Variants in AK9 observed in about 807,000 individuals in gnomAD.
AK9 encodes the protein adenylate kinase domain containing 1.
In AK9, 191 loss-of-function variants were observed where a neutral mutation model predicts 239.6. The observed-to-expected ratio is 0.80, with a 90% CI of 0.71 to 0.90. AK9 has a LOEUF of 0.90. Ranked by LOEUF, AK9 falls within the 40% of genes least tolerant of loss-of-function variation. The pLI is 0.00. For missense variants in AK9, 1,995 were observed against 2,214.7 expected, an observed-to-expected ratio of 0.90 and a Z score of 1.99; for synonymous variants, 689 against 721.0, an observed-to-expected ratio of 0.96 and a Z score of 0.71.
At chr6:109,542,449 G>C (rs1783022288) in intron 26 of AK9, among the ~76,000 whole-genome samples, 1 of 152,150 alleles carries the variant, frequency 6.6e-6, no homozygotes, top group Non-Finnish European at 1.5e-5. Flanking sequence ...TGTATTTCAG[G>C]ATAACTAGAA....
chr6:109,632,660 G>T (rs1218343676), intron 12 of AK9: 6 of 758,564 alleles, frequency 7.9e-6, no homozygotes, highest in African/African-American at 1.9e-5. Flanking sequence ...GGCAGAGTCT[G>T]AATGACACGA....
chr6:109,571,125 G>A (rs1416712516), intron 21 of AK9, among the ~76,000 whole-genome samples: 24 of 152,178 alleles, frequency 1.6e-4, no homozygotes, highest in Non-Finnish European at 4.4e-5. Context: ...TCCTTAAAAA[G>A]TTGCTCAAAG....
chr6:109,593,699 G>A (rs1430633555), intron 17 of AK9, among the ~76,000 whole-genome samples: 7 of 152,106 alleles, frequency 4.6e-5, no homozygotes, highest in Non-Finnish European at 8.8e-5. Flanking sequence ...GGGATGCAAG[G>A]CTGGTTCAAC....
At chr6:109,566,453 T>G (rs1161653751) in intron 21 of AK9, among the ~76,000 whole-genome samples, 1 of 152,020 alleles carries the variant, frequency 6.6e-6, no homozygotes, top group Admixed American at 6.6e-5. Context: ...GCAGAGTAAA[T>G]TTTACAAGAT....
rs190045793 is a variant in AK9 at position 109,511,260 on chromosome 6, A to G, written c.4280-1880T>C. 1.2e-4 allele frequency among the ~76,000 whole-genome samples: 18 copies of G among 152,232 alleles called. No homozygotes were observed. The East Asian group carries it at 3.1e-3, about 26-fold the overall frequency. On this transcript the variant is annotated intron_variant, in intron 32 of 40. Coordinates refer to ENST00000424296, the MANE Select transcript of AK9 (RefSeq NM_001145128.3). ...TTTCTGTCCATTTATGGACTCCATG[A>G]TGCAACCAGCATAGCATACCCTATA...
chr6:109,537,598 A>C (rs1356587481), intron 27 of AK9, among the ~76,000 whole-genome samples: 1 of 145,528 alleles, frequency 6.9e-6, no homozygotes, highest in Non-Finnish European at 1.5e-5. Context: ...TTTGTGTCCT[A>C]TCTCTTTCAG....
At chr6:109,576,423 T>A (rs1175873563) in intron 20 of AK9, among the ~76,000 whole-genome samples, 1 of 146,546 alleles carries the variant, frequency 6.8e-6, no homozygotes, top group African/African-American at 2.5e-5. Context: ...ATATATACTT[T>A]TTTTTTTTTT....
chr6:109,525,831 G>T (rs1780438656), intron 29 of AK9, among the ~76,000 whole-genome samples: 1 of 152,128 alleles, frequency 6.6e-6, no homozygotes. Context: ...CTACTAAAAA[G>T]TCACATGCAC....
intron 24 of AK9, among the ~76,000 whole-genome samples, chr6:109,556,807 C>T (rs985713348): frequency 6.6e-6 from 1 of 151,852 alleles, no homozygotes; most frequent in Non-Finnish European, 1.5e-5. Flanking sequence ...CAACCGTTGA[C>T]ACTTGTGTAT....
At chr6:109,529,945 A>G (rs887506209) in intron 28 of AK9, among the ~76,000 whole-genome samples, 13 of 152,130 alleles carry the variant, frequency 8.5e-5, no homozygotes, top group Non-Finnish European at 4.4e-5. Flanking sequence ...ACTGGTATCC[A>G]TCCATGGCCC....
intron 15 of AK9, among the ~76,000 whole-genome samples, chr6:109,613,365 C>A (rs1002202040): frequency 6.6e-6 from 1 of 151,360 alleles, no homozygotes; most frequent in African/African-American, 2.4e-5. Context: ...AAAATAGTCA[C>A]CTCAAAAAAG....
intron 24 of AK9, among the ~76,000 whole-genome samples, chr6:109,554,654 C>G (rs979147202): frequency 6.6e-6 from 1 of 151,162 alleles, no homozygotes; most frequent in East Asian, 2.0e-4. Flanking sequence ...GTCTCAGCCT[C>G]TCGAGTAGCT....
chr6:109,542,859 C>G (rs1783074135), intron 26 of AK9, among the ~76,000 whole-genome samples: 1 of 152,114 alleles, frequency 6.6e-6, no homozygotes, highest in African/African-American at 2.4e-5. Context: ...ATAATATTTA[C>G]TACAGCTAAG....
At chr6:109,542,791 G>GT (rs1365041127) in intron 26 of AK9, among the ~76,000 whole-genome samples, 3 of 152,034 alleles carry the variant, frequency 2.0e-5, no homozygotes, top group African/African-American at 7.2e-5. Context: ...AGTAATTGCG[G>GT]TTTTTGCTTT....
intron 17 of AK9, among the ~76,000 whole-genome samples, chr6:109,601,671 T>C (rs889790743): frequency 3.3e-5 from 5 of 152,094 alleles, no homozygotes; most frequent in South Asian, 2.1e-4. Flanking sequence ...CTAATGTTGA[T>C]AGTGGGGTGT....
At chr6:109,646,680 G>A (rs973306956) in intron 8 of AK9, among the ~76,000 whole-genome samples, 1 of 152,180 alleles carries the variant, frequency 6.6e-6, no homozygotes, top group African/African-American at 2.4e-5. Flanking sequence ...ATATTATCCA[G>A]GAAAACTTCC....
rs1786268764 is a variant in AK9, at chr6:109,564,902, A to G, written c.2345-57T>C. 5.3e-6 allele frequency: 7 copies of G among 1,325,618 alleles called. No individual in the cohort carries two copies. In the South Asian group the frequency reaches 1.1e-4, roughly 20 times the overall value. 82.1% of individuals were successfully genotyped at this position (1,325,618 alleles called of 1,614,324 possible). On this transcript the variant is annotated intron_variant, in intron 21 of 40. Coordinates refer to ENST00000424296, the MANE Select transcript of AK9 (RefSeq NM_001145128.3). The stretch of plus-strand genomic sequence containing the variant: ...AATTTGAAAACATTATTCCTTTATG[A>G]AAGTTTTGGCACAAAGAACATTTCA...
intron 1 of AK9, among the ~76,000 whole-genome samples, chr6:109,678,218 T>C (rs1170485349): frequency 6.6e-6 from 1 of 152,212 alleles, no homozygotes; most frequent in African/African-American, 2.4e-5. Flanking sequence ...TACCATGGAA[T>C]ATGATAATAA....
intron 27 of AK9, among the ~76,000 whole-genome samples, chr6:109,539,641 G>A (rs1400528414): frequency 1.3e-5 from 2 of 152,184 alleles, no homozygotes; most frequent in Admixed American, 1.3e-4. Context: ...TTCCATTGCT[G>A]GCAAGGAGCT....
Sources: allele counts gnomAD v4.1 joint callset (sites outside exome capture counted in the v4.1 genomes callset), GRCh38; gene constraint gnomAD v4.1.1; transcripts MANE v1.5; gene names NCBI Gene and HGNC (gene_info 2026-07-23, HGNC 2026-07-21).